The following GBP2 variants were observed in gnomAD, a reference collection of about 807,000 sequenced individuals.
GBP2 encodes guanylate binding protein 2.
Under a neutral mutation model 60.8 loss-of-function variants are expected in GBP2, and 54 were observed. That is an observed-to-expected ratio of 0.89 (90% CI 0.71 to 1.11). The LOEUF is 1.11. GBP2 is among the 50% of genes most tolerant of loss of function. The pLI is 0.00. For synonymous variants in GBP2, 243 were observed against 256.5 expected (o/e 0.95, Z 0.50); for missense variants, 665 against 703.3 (o/e 0.95, Z 0.62).
chr1:89,125,778 A>G (rs1310000453), intron 1 of GBP2, 85 bp downstream of exon 1: 1 of 152,258 alleles, frequency 6.6e-6, no homozygotes, highest in African/African-American at 2.4e-5. Flanking sequence ...CAGCAGGCTC[A>G]GCTGCGGCCT....
Position 89,109,823 on chromosome 1 carries a change from C to G in GBP2, c.1513G>C (p.Glu505Gln), listed in dbSNP as rs1291115902. The G allele has an allele frequency of 6.2e-7, 1 of 1,613,982 alleles. No individual in the cohort carries two copies. Among genetic ancestry groups the G allele is most frequent in the Admixed American group, 1.7e-5 (1 of 60,024 alleles). ...ESAEAAKKML[E>Q]EIQKKNEEMM... Reference sequence around the variant, plus strand: ...TCCTCATTCTTCTTTTGTATTTCCTCCAACATTTTCTTTGCAGCTTCTGCA... The same window carrying G: ...TCCTCATTCTTCTTTTGTATTTCCTGCAACATTTTCTTTGCAGCTTCTGCA... The change falls in exon 10 of 11, where the codon GAG becomes CAG. Residue 505 changes from glutamate to glutamine, a missense_variant. Transcript: ENST00000370466.
chr1:89,124,619 C>A (rs570148545), intron 1 of GBP2, among the ~76,000 whole-genome samples: 2 of 152,198 alleles, frequency 1.3e-5, no homozygotes, highest in Non-Finnish European at 2.9e-5. Context: ...AGCCCCTCTA[C>A]GGACAGGGTC....
chr1:89,112,624 A>C lies in GBP2; in HGVS notation c.1210T>G (p.Cys404Gly). 1 of 1,614,202 alleles carries C rather than the reference A, an allele frequency of 6.2e-7. No individual in the cohort carries two copies. Among genetic ancestry groups the C allele is most frequent in the Non-Finnish European group, 8.5e-7 (1 of 1,180,034 alleles). Residue 404 changes from cysteine to glycine, a missense_variant, in exon 8 of 11, where the codon TGT becomes GGT. By Grantham distance (159) the Cys-to-Gly change is radical. Coordinates refer to ENST00000370466, the MANE Select transcript of GBP2 (RefSeq NM_004120.5). ...ATATCCTGAAGTAAAGCCATGCAAC[A>C]ATCTGATGATGCTTTGGAATTCTGC... is the stretch of plus-strand genomic sequence containing the variant. ...CKQNSKASSD[C>G]CMALLQDIFG...
chr1:89,123,113 A>C (rs185818757), intron 1 of GBP2, among the ~76,000 whole-genome samples: 1 of 152,300 alleles, frequency 6.6e-6, no homozygotes, highest in Admixed American at 6.5e-5. Flanking sequence ...ACGTGCTTCC[A>C]TCATATTTTC....
chr1:89,108,208 G>A lies in GBP2; in HGVS notation c.1743C>T (p.Ser581=), dbSNP rs141130650. The A allele has an allele frequency of 9.9e-6, 16 of 1,612,322 alleles. No individual in the cohort carries two copies. In the African/African-American group the frequency reaches 1.9e-4, roughly 19 times the overall value. The stretch of plus-strand genomic sequence containing the variant: ...TGTTACATATTGGCTCCAATGATTT[G>A]CTTCTCATCTGGATATCCCATATGT... The part of the protein sequence containing the change: ...QKDIWDIQMR[S]KSLEPICNIL Residue 581 remains serine, a synonymous_variant, in exon 11 of 11, where the codon AGC becomes AGT. Coordinates refer to ENST00000370466, the MANE Select transcript of GBP2 (RefSeq NM_004120.5).
intron 6 of GBP2, among the ~76,000 whole-genome samples, chr1:89,116,020 T>TAG (rs1681264044): frequency 6.6e-6 from 1 of 150,900 alleles, no homozygotes; most frequent in South Asian, 2.1e-4. Context: ...ATTTAATATA[T>TAG]ATATATATTG....
Position 89,119,666 on chromosome 1 carries a change from T to A in GBP2, c.428+513A>T, listed in dbSNP as rs560189881. The A allele has an allele frequency of 2.6e-5, 4 of 152,512 alleles. No individual in the cohort carries two copies. The East Asian group carries it at 7.7e-4, about 29-fold the overall frequency. 9.4% of individuals were successfully genotyped at this position (152,512 alleles called of 1,614,324 possible). A position where few individuals can be genotyped will look rare whatever the true frequency, so the allele number is the denominator to read the frequency against. On this transcript the variant is annotated intron_variant, in intron 4 of 10. Transcript: ENST00000370466. ...ATATTAAAGAAGATTCTCTTTTTAA[T>A]GGTAAAGGAATGAGAAAGTGTCCAG...
At chr1:89,118,047 A>G (rs948580503) in intron 4 of GBP2, 20 of 250,998 alleles carry the variant, frequency 8.0e-5, no homozygotes, top group Non-Finnish European at 1.5e-4. Flanking sequence ...GAACAGGTAA[A>G]CAAAAATAAA....
At chr1:89,111,139 A>G (rs1400434646) in intron 8 of GBP2, among the ~76,000 whole-genome samples, 1 of 152,228 alleles carries the variant, frequency 6.6e-6, no homozygotes, top group Non-Finnish European at 1.5e-5. Context: ...AACTGGGTAT[A>G]GGTGGAACAT....
At chr1:89,119,936 G>A (rs1681360930) in intron 4 of GBP2, 3 of 452,498 alleles carry the variant, frequency 6.6e-6, no homozygotes, top group Non-Finnish European at 4.0e-6. Flanking sequence ...AGGCATAGGA[G>A]ATTAAGTCAG....
Position 89,121,241 on chromosome 1 carries a change from G to A in GBP2, c.220C>T (p.His74Tyr). ...GFSLGSTVKS[H>Y]TKGIWMWCVP... ...CACCACATCCAGATTCCCTTGGTGT[G>A]AGACTTCACTGTGGAGCCTAGAGAG... The change falls in exon 3 of 11, where the codon CAC (histidine) becomes TAC (tyrosine). Residue 74 changes from histidine (H) to tyrosine (Y), a missense_variant. His to Tyr is a moderately conservative substitution (Grantham distance 83). Coordinates refer to ENST00000370466, the MANE Select transcript of GBP2 (RefSeq NM_004120.5). 6.2e-7 allele frequency: 1 copy of A among 1,611,306 alleles called. No homozygotes were observed. The highest frequency in any genetic ancestry group is 8.5e-7 in the Non-Finnish European group (1 of 1,178,270).
In GBP2 at chr1:89,120,734, T is replaced by G. The variant is rs149975519; in HGVS notation, c.318+409A>C. Among the ~76,000 whole-genome samples, 161 of 152,332 alleles carry G rather than the reference T, an allele frequency of 1.1e-3. 1 individual carries two copies. Among genetic ancestry groups the G allele is most frequent in the African/African-American group, 3.7e-3 (154 of 41,568 alleles). On this transcript the variant is annotated intron_variant, in intron 3 of 10. Coordinates refer to ENST00000370466, the MANE Select transcript of GBP2 (RefSeq NM_004120.5). ...ATGAGCAAAGATGTTATCATTAGAT[T>G]TTACACTTTGCTTCTCTTTCTACTG...
intron 4 of GBP2, chr1:89,119,062 G>A (rs905836254): frequency 6.6e-6 from 1 of 152,070 alleles, no homozygotes; most frequent in Non-Finnish European, 1.5e-5. Flanking sequence ...GATCATCTGG[G>A]GACTGAAAGC....
intron 8 of GBP2, among the ~76,000 whole-genome samples, chr1:89,110,877 C>G (rs767390500): frequency 1.3e-5 from 2 of 152,246 alleles, no homozygotes; most frequent in East Asian, 3.9e-4. Context: ...TCTACAATAT[C>G]TCTAATGAAA....
chr1:89,118,338 G>A (rs958290735), intron 4 of GBP2: 4 of 152,386 alleles, frequency 2.6e-5, no homozygotes, highest in Non-Finnish European at 5.9e-5. Flanking sequence ...ATTGCAGACA[G>A]AGATCACAGA....
chr1:89,120,431 T>C, intron 3 of GBP2, 143 bp from the exon 4 acceptor site: 1 of 663,542 alleles, frequency 1.5e-6, no homozygotes, highest in South Asian at 1.7e-5. Context: ...TGCAGTATTT[T>C]TTTCTACCTG....
At chr1:89,125,483 C>T (rs187471566) in intron 1 of GBP2, among the ~76,000 whole-genome samples, 147 of 152,262 alleles carry the variant, frequency 9.7e-4, no homozygotes, top group Admixed American at 2.7e-3. Context: ...TGTATAAGCT[C>T]CCTAATTATA....
In GBP2 at chr1:89,106,568, T is replaced by G. The variant is rs1181993529; in HGVS notation, c.*1607A>C. On this transcript the variant is annotated 3_prime_UTR_variant, in exon 11 of 11. Transcript: ENST00000370466. ...AAGATGAGAAGAGTGTTGTATCTGATGTACACAAAAATACTAACTCAAGTC... is the reference window on the plus strand; with the variant it reads ...AAGATGAGAAGAGTGTTGTATCTGAGGTACACAAAAATACTAACTCAAGTC... The G allele has an allele frequency of 6.6e-6, 1 of 152,228 alleles. No individual in the cohort carries two copies. The highest frequency in any genetic ancestry group is 1.5e-5 in the Non-Finnish European group (1 of 68,038). 9.4% of individuals were successfully genotyped at this position (152,228 alleles called of 1,614,324 possible). A position where few individuals can be genotyped will look rare whatever the true frequency, so the allele number is the denominator to read the frequency against.
In GBP2 at chr1:89,121,871, A is replaced by G. The variant is rs1052033273; in HGVS notation, c.96T>C (p.Ser32=). 2 of 1,614,124 alleles carry G rather than the reference A, an allele frequency of 1.2e-6. No individual in the cohort carries two copies. Among genetic ancestry groups the G allele is most frequent in the Non-Finnish European group, 1.7e-6 (2 of 1,179,998 alleles). Residue 32 remains serine (S), a synonymous_variant, in exon 2 of 11, where the codon TCT becomes TCC. Transcript: ENST00000370466. ...VVNPEALKIL[S]AITQPVVVVA... is the part of the protein sequence containing the mutation. ...CCACCACCACAGGCTGCGTAATTGC[A>G]GATAGGATCTTCAGAGCTTCTGGAT...
Sources: gnomAD v4.1 joint callset for allele counts (sites outside exome capture counted in the v4.1 genomes callset) on GRCh38, gnomAD v4.1.1 for gene constraint, MANE v1.5 for transcripts, NCBI Gene and HGNC (gene_info 2026-07-23, HGNC 2026-07-21) for gene names.